Variants in ARL15 observed in about 807,000 individuals in gnomAD.
ARL15 encodes ADP-ribosylation factor-like protein 15.
A neutral mutation model predicts 25.2 loss-of-function variants in ARL15; 19 were observed. The observed-to-expected ratio is 0.75, with a 90% confidence interval of 0.53 to 1.10. The LOEUF (loss-of-function observed/expected upper bound fraction) is 1.10, where lower values mean the gene tolerates loss of function less well. ARL15 is among the 50% of genes least tolerant of loss of function. The pLI, the probability that ARL15 is intolerant of heterozygous loss-of-function variation, is 0.00. For missense variants in ARL15, 220 were observed against 246.0 expected (o/e 0.89, Z 0.71); for synonymous variants, 94 against 86.8 (o/e 1.08, Z -0.46).
intron 1 of ARL15, among the ~76,000 whole-genome samples, chr5:54,229,293 C>T (rs939363191): frequency 5.3e-5 from 8 of 152,122 alleles, no homozygotes; most frequent in Admixed American, 5.2e-4. Flanking sequence ...TTTTTGTTTT[C>T]TTCTCTAGCA....
intron 1 of ARL15, chr5:54,286,310 T>C (rs1435059370): frequency 6.6e-6 from 1 of 152,222 alleles, no homozygotes; most frequent in Non-Finnish European, 1.5e-5. Context: ...AAAAATGTTT[T>C]CAGTGGTAAC....
intron 3 of ARL15, among the ~76,000 whole-genome samples, chr5:54,132,566 G>A (rs1050636756): frequency 6.6e-6 from 1 of 152,048 alleles, no homozygotes; most frequent in Non-Finnish European, 1.5e-5. Flanking sequence ...AAAATTATAT[G>A]GTACTTTTTT....
chr5:54,172,134 T>C (rs1353221260), intron 1 of ARL15, among the ~76,000 whole-genome samples: 1 of 152,190 alleles, frequency 6.6e-6, no homozygotes, highest in Non-Finnish European at 1.5e-5. Flanking sequence ...TTATGAAATG[T>C]TTTTCTACTT....
intron 4 of ARL15, among the ~76,000 whole-genome samples, chr5:53,968,966 G>A (rs1747653025): frequency 6.6e-6 from 1 of 151,734 alleles, no homozygotes. Flanking sequence ...TGGACAACAT[G>A]GTGAAACCCC....
At chr5:53,967,168 GTATAT>G (rs1301721055) in intron 4 of ARL15, among the ~76,000 whole-genome samples, 2 of 152,120 alleles carry the variant, frequency 1.3e-5, no homozygotes, top group Non-Finnish European at 2.9e-5. Context: ...TCAGTGTTCA[GTATAT>G]TATAATTTCA....
intron 4 of ARL15, among the ~76,000 whole-genome samples, chr5:54,002,377 A>G (rs1462575601): frequency 6.6e-6 from 1 of 152,204 alleles, no homozygotes; most frequent in African/African-American, 2.4e-5. Flanking sequence ...AAAATAGTGG[A>G]GAATTGAGAA....
intron 4 of ARL15, among the ~76,000 whole-genome samples, chr5:53,910,741 T>A (rs1414292567): frequency 6.7e-6 from 1 of 148,378 alleles, no homozygotes; most frequent in African/African-American, 2.5e-5. Flanking sequence ...ACATTCTCCT[T>A]GTTTTCCATA....
intron 1 of ARL15, among the ~76,000 whole-genome samples, chr5:54,306,232 T>G (rs551571968): frequency 6.6e-6 from 1 of 152,298 alleles, no homozygotes; most frequent in African/African-American, 2.4e-5. Context: ...TTTAAAAGAT[T>G]CTTAAAAGAG....
At position 54,203,747 on chromosome 5, in the gene ARL15, C is replaced by A. The variant is rs201185481; in HGVS notation, c.49-31819G>T. The stretch of plus-strand genomic sequence containing the variant: ...TAGTACTATTCCATACAAGGAATCA[C>A]TCACTGTTGGTCAATAATGTTTTCA... On this transcript the variant is annotated intron_variant, in intron 1 of 4. Coordinates refer to ENST00000504924, the MANE Select transcript of ARL15 (RefSeq NM_019087.3). Among the ~76,000 whole-genome samples, 15 of 152,266 alleles carry A rather than the reference C, an allele frequency of 9.9e-5. No individual in the cohort carries two copies. In the East Asian group the frequency reaches 2.1e-3, roughly 22 times the overall value.
At chr5:53,913,836 G>C (rs1745540408) in intron 4 of ARL15, among the ~76,000 whole-genome samples, 1 of 151,924 alleles carries the variant, frequency 6.6e-6, no homozygotes, top group Non-Finnish European at 1.5e-5. Flanking sequence ...GTAGTCCCTT[G>C]GTTTTATCAC....
At chr5:54,029,318 C>CACCACCACT (rs1561194963) in intron 4 of ARL15, among the ~76,000 whole-genome samples, 7 of 116,082 alleles carry the variant, frequency 6.0e-5, no homozygotes, top group African/African-American at 1.8e-4. Flanking sequence ...CCACCACCAC[C>CACCACCACT]ACCACCACCA....
intron 4 of ARL15, among the ~76,000 whole-genome samples, chr5:53,963,386 A>C (rs1341410702): frequency 6.6e-6 from 1 of 152,220 alleles, no homozygotes; most frequent in African/African-American, 2.4e-5. Context: ...AGGAGCCAGC[A>C]CAGAAACTCA....
At chr5:53,938,516 T>TA (rs1458906189) in intron 4 of ARL15, among the ~76,000 whole-genome samples, 3 of 152,250 alleles carry the variant, frequency 2.0e-5, no homozygotes, top group Non-Finnish European at 4.4e-5. Flanking sequence ...CTGTCTCCTT[T>TA]ACCAGGTTGA....
chr5:54,081,246 T>C (rs934022488), intron 4 of ARL15, among the ~76,000 whole-genome samples: 3 of 152,176 alleles, frequency 2.0e-5, no homozygotes, highest in African/African-American at 7.2e-5. Context: ...GTGATGCCCA[T>C]TTAGCCTTAG....
At chr5:53,937,054 T>A (rs974488528) in intron 4 of ARL15, among the ~76,000 whole-genome samples, 2 of 151,944 alleles carry the variant, frequency 1.3e-5, no homozygotes, top group African/African-American at 4.8e-5. Context: ...GGGTACAAAT[T>A]CCCCCAAGGG....
chr5:53,969,990 T>C (rs760936868), intron 4 of ARL15, among the ~76,000 whole-genome samples: 54 of 152,298 alleles, frequency 3.5e-4, no homozygotes, highest in Admixed American at 3.3e-4. Context: ...GTAAAGGTGA[T>C]TGCATGCTGG....
At chr5:54,295,572 T>C (rs548613651) in intron 1 of ARL15, among the ~76,000 whole-genome samples, 1 of 152,008 alleles carries the variant, frequency 6.6e-6, no homozygotes, top group South Asian at 2.1e-4. Flanking sequence ...AAAACACACA[T>C]AGAAATCCCA....
intron 4 of ARL15, among the ~76,000 whole-genome samples, chr5:53,973,221 T>C (rs533206014): frequency 2.0e-4 from 27 of 135,266 alleles, no homozygotes; most frequent in African/African-American, 6.3e-4. Flanking sequence ...TTAAAGTTTT[T>C]TAACGTCAAA....
At chr5:54,240,814 T>C (rs1308259271) in intron 1 of ARL15, among the ~76,000 whole-genome samples, 1 of 152,194 alleles carries the variant, frequency 6.6e-6, no homozygotes. Context: ...CAAAATTTTG[T>C]GAGCGTCAAC....
Sources: gnomAD v4.1 joint callset for allele counts (sites outside exome capture counted in the v4.1 genomes callset) on GRCh38, gnomAD v4.1.1 for gene constraint, MANE v1.5 for transcripts, NCBI Gene and HGNC (gene_info 2026-07-23, HGNC 2026-07-21) for gene names.